The following KCNQ1OT1 variants were observed in gnomAD, a reference collection of about 807,000 sequenced individuals.
KCNQ1OT1 encodes the protein KCNQ1 antisense RNA 2 (non-protein coding).
In KCNQ1OT1 at chr11:2,608,613, C is replaced by T; in HGVS notation, n.91382G>A. The T allele has an allele frequency of 2.5e-6, 1 of 398,498 alleles. No individual in the cohort carries two copies. Among genetic ancestry groups the T allele is most frequent in the East Asian group, 3.6e-5 (1 of 28,064 alleles). 24.7% of individuals were successfully genotyped at this position (398,498 alleles called of 1,614,324 possible). ...CCCTTAGCCTATGACAGGTGTGCACCACAACACCAGCTGTTATTCAAAAAA... is the reference window on the plus strand; with the variant it reads ...CCCTTAGCCTATGACAGGTGTGCACTACAACACCAGCTGTTATTCAAAAAA... On this transcript the variant is annotated non_coding_transcript_exon_variant, in exon 1 of 1. Coordinates refer to ENST00000597346, the Ensembl canonical transcript of KCNQ1OT1. This position sits in a 1 kb window ranked among gnomAD's most constrained non-coding sequence, Gnocchi z 4.6.
rs1042800400 is a variant in KCNQ1OT1, at chr11:2,691,672, C to T, written n.8323G>A. 2.5e-6 allele frequency: 1 copy of T among 398,418 alleles called. No homozygotes were observed. Among genetic ancestry groups the T allele is most frequent in the African/African-American group, 2.1e-5 (1 of 48,574 alleles). 24.7% of individuals were successfully genotyped at this position (398,418 alleles called of 1,614,324 possible). A position where few individuals can be genotyped will look rare whatever the true frequency, so the allele number is the denominator to read the frequency against. ...ACAGTTCCAAGGGTGAAACAGAGAA[C>T]CAGGTGGGGAAGGGGTCTCTCCCCA... On this transcript the variant is annotated non_coding_transcript_exon_variant, in exon 1 of 1. Transcript: ENST00000597346. The surrounding 1 kb of genome is among the most constrained non-coding windows in gnomAD (Gnocchi z 6.4).
rs1040621359 is a variant in KCNQ1OT1, at chr11:2,666,733, C to A, written n.33262G>T. 2.8e-5 allele frequency: 11 copies of A among 398,666 alleles called. No homozygotes were observed. The Admixed American group carries it at 4.0e-4, about 14-fold the overall frequency. The allele number at this position is 398,666 out of a possible 1,614,324, so 24.7% of individuals were successfully genotyped here. A position where few individuals can be genotyped will look rare whatever the true frequency, so the allele number is the denominator to read the frequency against. On this transcript the variant is annotated non_coding_transcript_exon_variant, in exon 1 of 1. Coordinates refer to ENST00000597346, the Ensembl canonical transcript of KCNQ1OT1. ...CCACTGTGACCTACTCCCACAGACC[C>A]CAGGGTACCAGGCACTGCAGCTCTG...
In KCNQ1OT1 at chr11:2,626,978, T is replaced by C. The variant is rs112547201; in HGVS notation, n.73017A>G. ...GCAAATAACATCATTAGGATTTTTA[T>C]TGGGATTACCTTGGATTTGTAGATT... On this transcript the variant is annotated non_coding_transcript_exon_variant, in exon 1 of 1. Transcript: ENST00000597346. The surrounding 1 kb of genome is among the most constrained non-coding windows in gnomAD (Gnocchi z 4.0). 0.06 allele frequency: 24,102 copies of C among 398,592 alleles called. 938 individuals carry two copies. Among genetic ancestry groups the C allele is most frequent in the Middle Eastern group, 0.1 (162 of 1,588 alleles). The allele number at this position is 398,592 out of a possible 1,614,324, so 24.7% of individuals were successfully genotyped here.
Position 2,646,695 on chromosome 11 carries a change from T to C in KCNQ1OT1, n.53300A>G. 5.0e-6 allele frequency: 2 copies of C among 398,634 alleles called. 1 individual carries two copies. Among genetic ancestry groups the C allele is most frequent in the Non-Finnish European group, 8.8e-6 (2 of 226,096 alleles). 24.7% of individuals were successfully genotyped at this position (398,634 alleles called of 1,614,324 possible). On this transcript the variant is annotated non_coding_transcript_exon_variant, in exon 1 of 1. Transcript: ENST00000597346. ...GCAGGCCACCACGCCCAGCTCATTTTTGTACTGATGAGGTTTTGCCATGTT... is the reference window on the plus strand; with the variant it reads ...GCAGGCCACCACGCCCAGCTCATTTCTGTACTGATGAGGTTTTGCCATGTT...
Position 2,695,915 on chromosome 11 carries a change from G to A in KCNQ1OT1, n.4080C>T, listed in dbSNP as rs1850668650. 5.0e-6 allele frequency: 2 copies of A among 398,530 alleles called. No homozygotes were observed. The highest frequency in any genetic ancestry group is 8.8e-6 in the Non-Finnish European group (2 of 226,052). The allele number at this position is 398,530 out of a possible 1,614,324, so 24.7% of individuals were successfully genotyped here. On this transcript the variant is annotated non_coding_transcript_exon_variant, in exon 1 of 1. Transcript: ENST00000597346. This position sits in a 1 kb window ranked among gnomAD's most constrained non-coding sequence, Gnocchi z 5.2. ...CTTCCTACCTTTTTCTTAATGATTT[G>A]TGGTGCTTTCTGGTATATTTTAGCT...
Position 2,698,718 on chromosome 11 carries a change from C to T in KCNQ1OT1, n.1277G>A, listed in dbSNP as rs1590039442. 1 of 398,916 alleles carries T rather than the reference C, an allele frequency of 2.5e-6. No homozygotes were observed. The highest frequency in any genetic ancestry group is 4.4e-6 in the Non-Finnish European group (1 of 226,204). The allele number at this position is 398,916 out of a possible 1,614,324, so 24.7% of individuals were successfully genotyped here. On this transcript the variant is annotated non_coding_transcript_exon_variant, in exon 1 of 1. Transcript: ENST00000597346. The surrounding 1 kb of genome is among the most constrained non-coding windows in gnomAD (Gnocchi z 5.1). ...ACAGACTCCAGACCCTGACTCCAGT[C>T]GCCAACTCGGACCTCCCTTGGATCT... is the stretch of plus-strand genomic sequence containing the variant.
chr11:2,623,843 T>C lies in KCNQ1OT1; in HGVS notation n.76152A>G, dbSNP rs1022030305. ...TATGTTTAATTTTATAAGAAACCAC[T>C]GATTTCGATATACTCTGGATTCTTC... On this transcript the variant is annotated non_coding_transcript_exon_variant, in exon 1 of 1. Coordinates refer to ENST00000597346, the Ensembl canonical transcript of KCNQ1OT1. This position sits in a 1 kb window ranked among gnomAD's most constrained non-coding sequence, Gnocchi z 5.2. 7.5e-6 allele frequency: 3 copies of C among 398,500 alleles called. No individual in the cohort carries two copies. The highest frequency in any genetic ancestry group is 6.2e-5 in the African/African-American group (3 of 48,636). The allele number at this position is 398,500 out of a possible 1,614,324, so 24.7% of individuals were successfully genotyped here. A position where few individuals can be genotyped will look rare whatever the true frequency, so the allele number is the denominator to read the frequency against.
At chr11:2,616,066 C>T in exon 1 of KCNQ1OT1, 1 of 398,048 alleles carries the variant, frequency 2.5e-6, no homozygotes, top group Non-Finnish European at 4.4e-6. Context: ...ATTTCAATTT[C>T]TGTTTTGGTC....
At chr11:2,634,386 T>A (rs965035781) in exon 1 of KCNQ1OT1, 5 of 227,128 alleles carry the variant, frequency 2.2e-5, no homozygotes, top group African/African-American at 1.2e-4. Flanking sequence ...CGTCCAAGTG[T>A]TCTCATTGTT....
exon 1 of KCNQ1OT1, chr11:2,633,887 A>T: frequency 2.5e-6 from 1 of 398,654 alleles, no homozygotes; most frequent in Non-Finnish European, 4.4e-6. Context: ...ATCTGTATAC[A>T]TAGTTTTCAC....
Position 2,621,904 on chromosome 11 carries a change from T to C in KCNQ1OT1, n.78091A>G, listed in dbSNP as rs1182215771. ...TGTTCTGATCTTTATTATTTCCTTC[T>C]GTTAACTTTGGCTTTAGTTTGTTCT... On this transcript the variant is annotated non_coding_transcript_exon_variant, in exon 1 of 1. Transcript: ENST00000597346. This position sits in a 1 kb window ranked among gnomAD's most constrained non-coding sequence, Gnocchi z 5.7. 3.0e-5 allele frequency: 12 copies of C among 398,284 alleles called. No homozygotes were observed. Among genetic ancestry groups the C allele is most frequent in the African/African-American group, 4.1e-5 (2 of 48,626 alleles). 24.7% of individuals were successfully genotyped at this position (398,284 alleles called of 1,614,324 possible). A position where few individuals can be genotyped will look rare whatever the true frequency, so the allele number is the denominator to read the frequency against.
chr11:2,641,914 G>A (rs1849585678), exon 1 of KCNQ1OT1: 1 of 398,208 alleles, frequency 2.5e-6, no homozygotes, highest in African/African-American at 2.1e-5. Context: ...TATGTTCTTG[G>A]CATCTTTGTC....
In KCNQ1OT1 at chr11:2,654,348, G is replaced by A. The variant is rs1401302314; in HGVS notation, n.45647C>T. 2.5e-6 allele frequency: 1 copy of A among 398,620 alleles called. No homozygotes were observed. The highest frequency in any genetic ancestry group is 4.4e-5 in the Admixed American group (1 of 22,714). The allele number at this position is 398,620 out of a possible 1,614,324, so 24.7% of individuals were successfully genotyped here. A position where few individuals can be genotyped will look rare whatever the true frequency, so the allele number is the denominator to read the frequency against. On this transcript the variant is annotated non_coding_transcript_exon_variant, in exon 1 of 1. Coordinates refer to ENST00000597346, the Ensembl canonical transcript of KCNQ1OT1. The surrounding 1 kb of genome is among the most constrained non-coding windows in gnomAD (Gnocchi z 6.4). ...GGGGGCTTCTACTTGCAAAGGATAGGGAGAGCTTCTGTTCATCCTTGTGAA... is the reference window on the plus strand; with the variant it reads ...GGGGGCTTCTACTTGCAAAGGATAGAGAGAGCTTCTGTTCATCCTTGTGAA...
chr11:2,681,802 C>G (rs1850403022), exon 1 of KCNQ1OT1: 2 of 398,548 alleles, frequency 5.0e-6, no homozygotes, highest in Non-Finnish European at 4.4e-6. Flanking sequence ...ACAGTCCCTG[C>G]CTTCTCAGGT....
rs867229716 is a variant in KCNQ1OT1 at position 2,653,173 on chromosome 11, T to C, written n.46822A>G. The C allele has an allele frequency of 2.5e-6, 1 of 398,596 alleles. No homozygotes were observed. Among genetic ancestry groups the C allele is most frequent in the Non-Finnish European group, 4.4e-6 (1 of 226,114 alleles). 24.7% of individuals were successfully genotyped at this position (398,596 alleles called of 1,614,324 possible). ...CCAATGTCCCACCTTAGGAAATCCC[T>C]TTCCAAGAGTTCCCTGTGCTGTTGC... On this transcript the variant is annotated non_coding_transcript_exon_variant, in exon 1 of 1. Transcript: ENST00000597346. The surrounding 1 kb of genome is among the most constrained non-coding windows in gnomAD (Gnocchi z 5.3).
At position 2,621,502 on chromosome 11, in the gene KCNQ1OT1, G is replaced by A. The variant is rs1849172030; in HGVS notation, n.78493C>T. 2.5e-6 allele frequency: 1 copy of A among 398,468 alleles called. No individual in the cohort carries two copies. Among genetic ancestry groups the A allele is most frequent in the South Asian group, 1.3e-4 (1 of 7,856 alleles). The allele number at this position is 398,468 out of a possible 1,614,324, so 24.7% of individuals were successfully genotyped here. On this transcript the variant is annotated non_coding_transcript_exon_variant, in exon 1 of 1. Coordinates refer to ENST00000597346, the Ensembl canonical transcript of KCNQ1OT1. This position sits in a 1 kb window ranked among gnomAD's most constrained non-coding sequence, Gnocchi z 5.7. Reference sequence around the variant, plus strand: ...TTTTCTCCCATTCTATATGTTGTCTGTTTACTCTGTTGATAATTTCTTTTG... The same window carrying A: ...TTTTCTCCCATTCTATATGTTGTCTATTTACTCTGTTGATAATTTCTTTTG...
At chr11:2,650,452 G>C in exon 1 of KCNQ1OT1, 1 of 398,546 alleles carries the variant, frequency 2.5e-6, no homozygotes. Flanking sequence ...ATTTGGGTAG[G>C]GTGCTTTGGC....
In KCNQ1OT1 at chr11:2,690,676, TA is replaced by T; in HGVS notation, n.9318del. 2.5e-6 allele frequency: 1 copy of T among 398,658 alleles called. No homozygotes were observed. The allele number at this position is 398,658 out of a possible 1,614,324, so 24.7% of individuals were successfully genotyped here. ...GTATGTGTGTCAGTGCACATAGGTATAGGGGCTGTCTCTCAGAATTCCTGAG... is the reference window on the plus strand; with the variant it reads ...GTATGTGTGTCAGTGCACATAGGTATGGGGCTGTCTCTCAGAATTCCTGAG... On this transcript the variant is annotated non_coding_transcript_exon_variant, in exon 1 of 1. Transcript: ENST00000597346. This position sits in a 1 kb window ranked among gnomAD's most constrained non-coding sequence, Gnocchi z 5.1.
exon 1 of KCNQ1OT1, chr11:2,666,042 A>G: frequency 2.5e-6 from 1 of 398,652 alleles, no homozygotes; most frequent in East Asian, 3.6e-5. Context: ...TACCTGAGAT[A>G]GACGGCCCAA....
Sources: allele counts gnomAD v4.1 joint callset, GRCh38; gene constraint gnomAD v4.1.1; non-coding constraint Gnocchi (gnomAD v3.1); transcripts MANE v1.5; gene names NCBI Gene and HGNC (gene_info 2026-07-23, HGNC 2026-07-21).